Variants in RALGPS1 observed in about 807,000 individuals in gnomAD.
RALGPS1 encodes the protein ras-specific guanine nucleotide-releasing factor RalGPS1.
A neutral mutation model predicts 78.8 loss-of-function variants in RALGPS1; 19 were observed. The ratio of observed to expected loss-of-function variants is 0.24; its 90% CI spans 0.17 to 0.35. The LOEUF (loss-of-function observed/expected upper bound fraction) is 0.35, where lower values mean the gene tolerates loss of function less well. Among genes scored for constraint, RALGPS1 ranks in the 10% least tolerant of loss-of-function variants. The pLI, the probability that RALGPS1 is intolerant of heterozygous loss-of-function variation, is 1.00. For synonymous variants in RALGPS1, 228 were observed against 256.3 expected, an observed-to-expected ratio of 0.89 and a Z score of 1.06; for missense variants, 454 against 688.3, an observed-to-expected ratio of 0.66 and a Z score of 3.81.
chr9:126,949,772 A>T, intron 1 of RALGPS1, among the ~76,000 whole-genome samples: 1 of 150,856 alleles, frequency 6.6e-6, no homozygotes, highest in Non-Finnish European at 1.5e-5. Context: ...TTGCCTGTTC[A>T]CTCTGATGGT....
chr9:127,166,686 C>A (rs780395037), intron 9 of RALGPS1, among the ~76,000 whole-genome samples: 1 of 152,150 alleles, frequency 6.6e-6, no homozygotes, highest in Non-Finnish European at 1.5e-5. Context: ...TCCAGGCTTG[C>A]AAGCAGTGCA....
rs145205647 is a variant in RALGPS1, at chr9:127,121,880, C to T, written c.611-44189C>T. Among the ~76,000 whole-genome samples, 20 of 152,318 alleles carry T rather than the reference C, an allele frequency of 1.3e-4. No homozygotes were observed. The East Asian group carries it at 2.1e-3, about 16-fold the overall frequency. ...CGCTTGCCTTTGCCTCACATTGTCC[C>T]GGCCTGGGGGCATAGGAATCCAAAG... On this transcript the variant is annotated intron_variant, in intron 8 of 18. Coordinates refer to ENST00000259351, the MANE Select transcript of RALGPS1 (RefSeq NM_014636.3).
chr9:126,953,975 C>G (rs2038110748), intron 1 of RALGPS1, among the ~76,000 whole-genome samples: 1 of 152,170 alleles, frequency 6.6e-6, no homozygotes, highest in Non-Finnish European at 1.5e-5. Flanking sequence ...TGCTGGTATC[C>G]CACCTGTCCC....
intron 4 of RALGPS1, among the ~76,000 whole-genome samples, chr9:127,030,833 G>A (rs907338266): frequency 6.6e-6 from 1 of 152,108 alleles, no homozygotes; most frequent in Non-Finnish European, 1.5e-5. Context: ...AAGCCAGAAG[G>A]AGGGAGAGGA....
Position 127,211,352 on chromosome 9 carries a change from C to T in RALGPS1, c.1248-779C>T, listed in dbSNP as rs968255809. Among the ~76,000 whole-genome samples, 3 of 152,050 alleles carry T rather than the reference C, an allele frequency of 2.0e-5. No individual in the cohort carries two copies. The highest frequency in any genetic ancestry group is 4.4e-5 in the Non-Finnish European group (3 of 68,008). ...CCGTGGAGCGCACTGGGCAGTGGCT[C>T]GAAGGAAGGTCCAGTGGCCTGAGGT... On this transcript the variant is annotated intron_variant, in intron 14 of 18. Transcript: ENST00000259351. The surrounding 1 kb of genome is among the most constrained non-coding windows in gnomAD (Gnocchi z 5.0).
chr9:126,977,295 T>G (rs898846810), intron 3 of RALGPS1, among the ~76,000 whole-genome samples: 1 of 152,238 alleles, frequency 6.6e-6, no homozygotes. Flanking sequence ...AGTAATAGTG[T>G]TTCTGTTTAG....
intron 4 of RALGPS1, among the ~76,000 whole-genome samples, chr9:127,022,069 AC>A (rs769628842): frequency 3.3e-5 from 5 of 152,256 alleles, no homozygotes; most frequent in East Asian, 1.9e-4. Flanking sequence ...AACTAGTATG[AC>A]CTGAAAGCTG....
At chr9:126,961,520 A>C (rs919052854) in intron 1 of RALGPS1, among the ~76,000 whole-genome samples, 3 of 152,188 alleles carry the variant, frequency 2.0e-5, no homozygotes, top group Non-Finnish European at 4.4e-5. Flanking sequence ...AAGAAAAATC[A>C]AGGCTGGATG....
chr9:127,214,711 C>A (rs373021395), intron 17 of RALGPS1, 40 bp from the exon 18 acceptor site: 2 of 1,579,684 alleles, frequency 1.3e-6, no homozygotes, highest in Middle Eastern at 1.7e-4. Context: ...GACCCTCCTA[C>A]GTGGCCCTCT....
intron 4 of RALGPS1, among the ~76,000 whole-genome samples, chr9:127,006,537 T>C (rs1159035663): frequency 2.6e-5 from 4 of 152,226 alleles, no homozygotes; most frequent in Admixed American, 6.5e-5. Context: ...CACTGTTACA[T>C]TCAATAATGA....
intron 4 of RALGPS1, among the ~76,000 whole-genome samples, chr9:127,018,644 G>GATA (rs1174156839): frequency 4.2e-5 from 4 of 95,516 alleles, no homozygotes; most frequent in East Asian, 3.0e-4. Flanking sequence ...AAATAATAAT[G>GATA]ATGATAATAA....
chr9:127,160,250 G>GC (rs1321078999), intron 8 of RALGPS1, among the ~76,000 whole-genome samples: 1 of 152,216 alleles, frequency 6.6e-6, no homozygotes, highest in African/African-American at 2.4e-5. Context: ...GTTCGGAAGA[G>GC]CACCTCCTTT....
intron 8 of RALGPS1, among the ~76,000 whole-genome samples, chr9:127,157,046 A>G (rs968342123): frequency 6.6e-6 from 1 of 152,030 alleles, no homozygotes; most frequent in Non-Finnish European, 1.5e-5. Flanking sequence ...CTATGTATGT[A>G]TTGCTGGGCT....
At chr9:127,084,412 G>A (rs2051486985) in intron 8 of RALGPS1, among the ~76,000 whole-genome samples, 1 of 152,112 alleles carries the variant, frequency 6.6e-6, no homozygotes, top group African/African-American at 2.4e-5. Context: ...CCTGGCTCCT[G>A]TACTTCCTGC....
At chr9:126,922,067 C>T (rs2119743554) in intron 1 of RALGPS1, among the ~76,000 whole-genome samples, 1 of 152,314 alleles carries the variant, frequency 6.6e-6, no homozygotes, top group African/African-American at 2.4e-5. Flanking sequence ...TCAGCTCCCA[C>T]AAAGACATAG....
intron 7 of RALGPS1, among the ~76,000 whole-genome samples, chr9:127,059,879 G>T (rs1488558030): frequency 6.6e-6 from 1 of 152,086 alleles, no homozygotes. Flanking sequence ...GGTAGACTGA[G>T]AAATAAGCCT....
At chr9:127,217,177 G>T in intron 18 of RALGPS1, 2 of 1,248,724 alleles carry the variant, frequency 1.6e-6, no homozygotes, top group East Asian at 3.1e-5. Flanking sequence ...TGGCAGATGT[G>T]GTGTAGCATG....
chr9:127,161,018 C>T (rs2058988666), intron 8 of RALGPS1, among the ~76,000 whole-genome samples: 1 of 152,258 alleles, frequency 6.6e-6, no homozygotes, highest in South Asian at 2.1e-4. Flanking sequence ...CACTGTCCAG[C>T]CCCAAGGCAG....
chr9:127,087,519 C>T (rs567058156), intron 8 of RALGPS1: 7 of 152,792 alleles, frequency 4.6e-5, no homozygotes, highest in African/African-American at 1.2e-4. Flanking sequence ...AAACATCCAA[C>T]ATCTCACACA....
Sources: gnomAD v4.1 joint callset for allele counts (sites outside exome capture counted in the v4.1 genomes callset) on GRCh38, gnomAD v4.1.1 for gene constraint, Gnocchi (gnomAD v3.1) non-coding constraint, MANE v1.5 for transcripts, NCBI Gene and HGNC (gene_info 2026-07-23, HGNC 2026-07-21) for gene names.